FHOD3: variants seen among roughly 807,000 people sequenced by gnomAD.
The protein encoded by FHOD3 is formin homology 2 domain containing 3.
In FHOD3, 90 loss-of-function variants were observed where a neutral mutation model predicts 173.0. That is an observed-to-expected ratio of 0.52 (90% confidence interval 0.44 to 0.62). The LOEUF (loss-of-function observed/expected upper bound fraction) is 0.62. Ranked by LOEUF, FHOD3 falls within the 20% of genes least tolerant of loss-of-function variation. FHOD3 has a pLI of 0.00. For synonymous variants in FHOD3, 828 were observed against 823.0 expected, an observed-to-expected ratio of 1.01 and a Z score of -0.10; for missense variants, 1,945 against 2,034.7, an observed-to-expected ratio of 0.96 and a Z score of 0.85.
intron 5 of FHOD3, among the ~76,000 whole-genome samples, chr18:36,531,037 C>T (rs1457310321): frequency 6.6e-6 from 1 of 152,194 alleles, no homozygotes; most frequent in Non-Finnish European, 1.5e-5. Flanking sequence ...AATGGCTGGC[C>T]TGGCTGGACA....
intron 1 of FHOD3, among the ~76,000 whole-genome samples, chr18:36,325,247 G>T (rs2044612363): frequency 6.6e-6 from 1 of 151,934 alleles, no homozygotes. Flanking sequence ...TTATCTGAGT[G>T]GTAGTTATAT....
chr18:36,504,496 A>G (rs1188477989), intron 4 of FHOD3, among the ~76,000 whole-genome samples: 3 of 152,116 alleles, frequency 2.0e-5, no homozygotes, highest in African/African-American at 7.2e-5. Context: ...GCAAGGACAA[A>G]AAACCAAACA....
intron 27 of FHOD3, among the ~76,000 whole-genome samples, chr18:36,763,478 T>C (rs1260658805): frequency 1.5e-5 from 2 of 135,118 alleles, no homozygotes; most frequent in Non-Finnish European, 3.3e-5. Flanking sequence ...ATATATAATA[T>C]TGTATTATAC....
intron 10 of FHOD3, among the ~76,000 whole-genome samples, chr18:36,645,268 A>G (rs993995359): frequency 4.6e-5 from 7 of 152,232 alleles, no homozygotes; most frequent in Admixed American, 6.5e-5. Flanking sequence ...TAAAAATACA[A>G]AAATATTCAT....
chr18:36,307,471 C>T (rs562458317), intron 1 of FHOD3, among the ~76,000 whole-genome samples: 14 of 152,294 alleles, frequency 9.2e-5, no homozygotes, highest in Non-Finnish European at 1.6e-4. Context: ...ATAGTGTCTA[C>T]GGGGGCTGCT....
chr18:36,601,133 A>G (rs994737667), intron 7 of FHOD3, among the ~76,000 whole-genome samples: 8 of 152,224 alleles, frequency 5.3e-5, no homozygotes, highest in South Asian at 4.1e-4. Context: ...TTGATGATCA[A>G]TATCAGCAAG....
chr18:36,472,946 C>G (rs1018844228), intron 3 of FHOD3, among the ~76,000 whole-genome samples: 3 of 152,218 alleles, frequency 2.0e-5, no homozygotes, highest in Admixed American at 6.5e-5. Context: ...TTTGCATCCA[C>G]TCCAAAGAGG....
At chr18:36,323,925 C>G (rs2044532067) in intron 1 of FHOD3, among the ~76,000 whole-genome samples, 1 of 152,184 alleles carries the variant, frequency 6.6e-6, no homozygotes, top group Admixed American at 6.5e-5. Context: ...AACAGCTAGC[C>G]AGAACTTGTA....
chr18:36,629,899 G>A (rs2034388482), intron 10 of FHOD3, among the ~76,000 whole-genome samples: 1 of 152,044 alleles, frequency 6.6e-6, no homozygotes, highest in Non-Finnish European at 1.5e-5. Flanking sequence ...ACACATTTTT[G>A]GTTGTTATAA....
intron 1 of FHOD3, among the ~76,000 whole-genome samples, chr18:36,320,522 C>G (rs1030467047): frequency 7.9e-5 from 12 of 152,158 alleles, no homozygotes; most frequent in African/African-American, 2.7e-4. Flanking sequence ...AGTCTAGGAC[C>G]AGATGGATTC....
intron 1 of FHOD3, among the ~76,000 whole-genome samples, chr18:36,340,370 G>C (rs2045548851): frequency 1.3e-5 from 2 of 152,172 alleles, no homozygotes; most frequent in Admixed American, 1.3e-4. Flanking sequence ...TGTGTGCTCT[G>C]TGAATGTTTG....
rs533062744 is a variant in FHOD3, at chr18:36,610,741, A to G, written c.814-1211A>G. On this transcript the variant is annotated intron_variant, in intron 8 of 28. Transcript: ENST00000590592. Reference sequence around the variant, plus strand: ...GCTGGTGCTATGAAATGATCTTTACAGAAGTGTTGGTCTTATTCCTTCCTA... The same window carrying G: ...GCTGGTGCTATGAAATGATCTTTACGGAAGTGTTGGTCTTATTCCTTCCTA... Among the ~76,000 whole-genome samples, 7 of 152,350 alleles carry G rather than the reference A, an allele frequency of 4.6e-5. No individual in the cohort carries two copies. In the South Asian group the frequency reaches 1.2e-3, roughly 27 times the overall value.
intron 15 of FHOD3, among the ~76,000 whole-genome samples, chr18:36,685,470 G>T (rs75232475): frequency 6.6e-5 from 10 of 152,314 alleles, no homozygotes; most frequent in African/African-American, 2.2e-4. Flanking sequence ...GATTTAAATT[G>T]TTTATGCTCC....
At chr18:36,312,380 C>G (rs952117779) in intron 1 of FHOD3, among the ~76,000 whole-genome samples, 2 of 152,136 alleles carry the variant, frequency 1.3e-5, no homozygotes, top group Admixed American at 6.5e-5. Context: ...CTGACGACCC[C>G]CTAGAGCTGA....
At chr18:36,776,881 T>G (rs2043696460) in intron 28 of FHOD3, among the ~76,000 whole-genome samples, 1 of 152,190 alleles carries the variant, frequency 6.6e-6, no homozygotes, top group Non-Finnish European at 1.5e-5. Context: ...CTGTCCCAGA[T>G]AGGCTGGCTC....
Position 36,576,551 on chromosome 18 carries a change from G to A in FHOD3, c.606+6G>A, listed in dbSNP as rs1239429199. The A allele has an allele frequency of 6.2e-7, 1 of 1,605,398 alleles. No homozygotes were observed. The highest frequency in any genetic ancestry group is 8.5e-7 in the Non-Finnish European group (1 of 1,174,558). On this transcript the variant is annotated splice_donor_region_variant and intron_variant, in intron 6 of 28. Transcript: ENST00000590592. ...ACACTCTCATTGGGTCAAAGGTAAG[G>A]GGAAGTTATGGTTGACTGTTTTGTT...
intron 8 of FHOD3, among the ~76,000 whole-genome samples, chr18:36,609,975 T>C (rs2032505970): frequency 2.6e-5 from 4 of 152,178 alleles, no homozygotes; most frequent in Non-Finnish European, 1.5e-5. Context: ...CCCTTTATGG[T>C]TGGACTTGCT....
At chr18:36,460,586 A>G (rs2052491241) in intron 3 of FHOD3, among the ~76,000 whole-genome samples, 1 of 152,228 alleles carries the variant, frequency 6.6e-6, no homozygotes, top group South Asian at 2.1e-4. Flanking sequence ...AGTGGAATTC[A>G]GTAGCTCCTA....
chr18:36,603,654 C>G (rs989491397), intron 8 of FHOD3, among the ~76,000 whole-genome samples: 26 of 152,046 alleles, frequency 1.7e-4, no homozygotes, highest in Non-Finnish European at 3.4e-4. Flanking sequence ...CAGGCACGTG[C>G]CACCATGCCT....
Sources: allele counts gnomAD v4.1 joint callset (sites outside exome capture counted in the v4.1 genomes callset), GRCh38; gene constraint gnomAD v4.1.1; transcripts MANE v1.5; gene names NCBI Gene and HGNC (gene_info 2026-07-23, HGNC 2026-07-21).